Variants in PDXDC1 observed in about 807,000 individuals in gnomAD.
The protein encoded by PDXDC1 is pyridoxal-dependent decarboxylase domain-containing protein 1.
In PDXDC1, 42 loss-of-function variants were observed where a neutral mutation model predicts 100.1. The ratio of observed to expected loss-of-function variants is 0.42; its 90% CI spans 0.33 to 0.54. The LOEUF is 0.54. Ranked by LOEUF, PDXDC1 falls within the 20% of genes least tolerant of loss-of-function variation. The probability of loss-of-function intolerance (pLI) is 0.10; values close to 1 mark genes in which losing one functional copy is unlikely to be tolerated. For missense variants in PDXDC1, 636 were observed against 979.2 expected (o/e 0.65, Z 4.68); for synonymous variants, 260 against 371.7 (o/e 0.70, Z 3.46).
At chr16:15,130,220 A>G (rs947627907) in intron 16 of PDXDC1, 6 of 1,551,092 alleles carry the variant, frequency 3.9e-6, no homozygotes, top group Admixed American at 2.0e-5. Context: ...CAAAGCGTAC[A>G]TGGCTTGGGG....
At chr16:15,078,617 G>A (rs557792751) in intron 16 of PDXDC1, among the ~76,000 whole-genome samples, 1 of 152,168 alleles carries the variant, frequency 6.6e-6, no homozygotes, top group South Asian at 2.1e-4. Flanking sequence ...GAGCATCCAG[G>A]CTCTTGGTTT....
intron 1 of PDXDC1, among the ~76,000 whole-genome samples, chr16:14,983,572 C>CAAAAA (rs56258905): frequency 1.4e-4 from 12 of 88,422 alleles, no homozygotes; most frequent in South Asian, 4.7e-4. Flanking sequence ...GACTCCGTCT[C>CAAAAA]AAAAAAAAAA....
At chr16:14,984,495 A>ATATATATATATATATTT (rs1555542734) in intron 1 of PDXDC1, among the ~76,000 whole-genome samples, 5 of 73,480 alleles carry the variant, frequency 6.8e-5, no homozygotes, top group Admixed American at 2.5e-4. Context: ...ATATATATAT[A>ATATATATATATATATTT]TTTTTTTTTT....
Position 15,135,915 on chromosome 16 carries a change from C to A in PDXDC1, c.1400-2964C>A, listed in dbSNP as rs1702352199. ...ACAGGCAGCGCCAGCCGCGGCAGCA[C>A]CAGCTGAGGCCGGCTCACGTCCACG... On this transcript the variant is annotated intron_variant, in intron 16 of 16. Coordinates refer to the PDXDC1 transcript ENST00000535621. The A allele has an allele frequency of 6.9e-6, 11 of 1,584,066 alleles. No individual in the cohort carries two copies. In the South Asian group the frequency reaches 1.2e-4, roughly 18 times the overall value.
intron 16 of PDXDC1, among the ~76,000 whole-genome samples, chr16:15,097,208 C>T (rs562610020): frequency 2.0e-5 from 3 of 151,494 alleles, no homozygotes; most frequent in African/African-American, 7.3e-5. Context: ...TTGGAAGCTG[C>T]AGTGAGCTAT....
intron 16 of PDXDC1, chr16:15,108,325 CAG>C (rs1245360669): frequency 2.3e-6 from 2 of 862,446 alleles, no homozygotes; most frequent in African/African-American, 3.6e-5. Flanking sequence ...CGCTAGGAAA[CAG>C]GGACGAAAAC....
intron 16 of PDXDC1, chr16:15,135,656 G>A (rs1283548008): frequency 1.1e-5 from 17 of 1,592,880 alleles, no homozygotes; most frequent in East Asian, 6.7e-5. Context: ...GACCTGTGTC[G>A]AAGCCACACA....
At chr16:15,048,083 A>G in intron 16 of PDXDC1, 2 of 1,604,242 alleles carry the variant, frequency 1.2e-6, no homozygotes, top group Non-Finnish European at 1.7e-6. Context: ...CTGACCTCTG[A>G]GAAGTCTGGC....
chr16:15,017,266 G>A, intron 10 of PDXDC1, 55 bp from the exon 11 acceptor site: 1 of 1,598,782 alleles, frequency 6.3e-7, no homozygotes, highest in South Asian at 1.1e-5. Flanking sequence ...ATGGAGGAGG[G>A]TGTTAGGTTT....
intron 1 of PDXDC1, chr16:14,989,886 AG>A: frequency 6.5e-7 from 1 of 1,547,812 alleles, no homozygotes; most frequent in South Asian, 1.2e-5. Flanking sequence ...GTTGGCCACC[AG>A]GGCCGGCACT....
intron 1 of PDXDC1, among the ~76,000 whole-genome samples, chr16:14,993,828 T>G (rs1226479814): frequency 2.0e-5 from 3 of 152,302 alleles, no homozygotes; most frequent in Non-Finnish European, 2.9e-5. Context: ...TTTTAATGAT[T>G]GCCATTCTAA....
intron 13 of PDXDC1, among the ~76,000 whole-genome samples, chr16:15,024,971 G>T (rs1218959264): frequency 1.1e-4 from 17 of 152,422 alleles, no homozygotes; most frequent in Admixed American, 1.0e-3. Context: ...CAAGACCCTA[G>T]CCCTGAAAGC....
At chr16:15,079,330 A>G (rs954971582) in intron 16 of PDXDC1, among the ~76,000 whole-genome samples, 15 of 152,170 alleles carry the variant, frequency 9.9e-5, no homozygotes, top group African/African-American at 3.1e-4. Context: ...TTAACTGTTT[A>G]TAATTATAAT....
intron 16 of PDXDC1, among the ~76,000 whole-genome samples, chr16:15,097,540 GC>G (rs1237996527): frequency 2.0e-5 from 3 of 148,422 alleles, no homozygotes; most frequent in Non-Finnish European, 4.4e-5. Flanking sequence ...TACTTGGGAA[GC>G]TGAGGCAGGA....
intron 11 of PDXDC1, among the ~76,000 whole-genome samples, chr16:15,018,364 A>T (rs1414417237): frequency 6.6e-6 from 1 of 152,244 alleles, no homozygotes; most frequent in Non-Finnish European, 1.5e-5. Context: ...AGCTATGATC[A>T]CACCACTGCA....
chr16:15,072,006 G>A (rs1036419854), intron 16 of PDXDC1, among the ~76,000 whole-genome samples: 2 of 152,042 alleles, frequency 1.3e-5, no homozygotes, highest in Non-Finnish European at 2.9e-5. Context: ...ACAGAAATAC[G>A]GACTAACGCA....
chr16:15,064,852 A>C (rs1350789869), intron 16 of PDXDC1, among the ~76,000 whole-genome samples: 1 of 152,192 alleles, frequency 6.6e-6, no homozygotes, highest in East Asian at 1.9e-4. Context: ...TTTTGGGAAA[A>C]GCAAACATGT....
At chr16:15,001,249 G>A (rs1362950566) in intron 3 of PDXDC1, among the ~76,000 whole-genome samples, 10 of 152,268 alleles carry the variant, frequency 6.6e-5, no homozygotes, top group Non-Finnish European at 4.4e-5. Context: ...AGCACTTTGG[G>A]AGGCCGAGGA....
the PDXDC1 span, among the ~76,000 whole-genome samples, chr16:15,146,244 G>A: frequency 2.0e-5 from 3 of 152,120 alleles, no homozygotes; most frequent in African/African-American, 7.2e-5. Context: ...AGAAAGCCGG[G>A]AAGGGGGACG....
Sources: gnomAD v4.1 joint callset for allele counts (sites outside exome capture counted in the v4.1 genomes callset) on GRCh38, gnomAD v4.1.1 for gene constraint, MANE v1.5 for transcripts, NCBI Gene and HGNC (gene_info 2026-07-23, HGNC 2026-07-21) for gene names.